CNTNAP5: variants seen among roughly 807,000 people sequenced by gnomAD.
CNTNAP5 encodes contactin-associated protein-like 5.
Under a neutral mutation model 150.2 loss-of-function variants are expected in CNTNAP5, and 72 were observed. That is an observed-to-expected ratio of 0.48 (90% confidence interval 0.40 to 0.58). CNTNAP5 has a LOEUF of 0.58. Ranked by LOEUF, CNTNAP5 falls within the 20% of genes least tolerant of loss-of-function variation. The pLI, the probability that CNTNAP5 is intolerant of heterozygous loss-of-function variation, is 0.00. For missense variants in CNTNAP5, 1,636 were observed against 1,626.2 expected (o/e 1.01, Z -0.10); for synonymous variants, 672 against 619.8 (o/e 1.08, Z -1.25).
chr2:124,260,518 G>A (rs1358043756), intron 3 of CNTNAP5, among the ~76,000 whole-genome samples: 1 of 152,146 alleles, frequency 6.6e-6, no homozygotes, highest in Admixed American at 6.6e-5. Context: ...TTGACAAATG[G>A]GATCTAATTA....
At position 124,163,933 on chromosome 2, in the gene CNTNAP5, G is replaced by A. The variant is rs570109243; in HGVS notation, c.83-57772G>A. Among the ~76,000 whole-genome samples, 12 of 151,314 alleles carry A rather than the reference G, an allele frequency of 7.9e-5. No homozygotes were observed. The South Asian group carries it at 2.3e-3, about 29-fold the overall frequency. ...GATCATTTTCATTCTTTGTTCCAAG[G>A]TCTATGACTCTGTTCTTCACTTCAC... is the stretch of plus-strand genomic sequence containing the variant. On this transcript the variant is annotated intron_variant, in intron 1 of 23. Coordinates refer to ENST00000682447, the MANE Select transcript of CNTNAP5 (RefSeq NM_001367498.1).
chr2:124,191,121 A>G (rs115843443), intron 1 of CNTNAP5, among the ~76,000 whole-genome samples: 2,652 of 152,294 alleles, frequency 0.017, 99 homozygotes, highest in African/African-American at 0.061. Context: ...AGGAATTTGC[A>G]TGTTCAAATG....
chr2:124,307,944 A>T (rs2104653711), intron 3 of CNTNAP5, among the ~76,000 whole-genome samples: 1 of 152,272 alleles, frequency 6.6e-6, no homozygotes, highest in African/African-American at 2.4e-5. Flanking sequence ...TATATGACAA[A>T]GCTGGCGGGT....
rs549114553 is a variant in CNTNAP5, at chr2:124,687,607, A to G, written c.2077+39649A>G. On this transcript the variant is annotated intron_variant, in intron 13 of 23. Coordinates refer to ENST00000682447, the MANE Select transcript of CNTNAP5 (RefSeq NM_001367498.1). ...TTGGTAATCACAGGAAGCAACTTCT[A>G]TATTCAGAAAGGATGGTACTTCCTG... Among the ~76,000 whole-genome samples, 17 of 150,582 alleles carry G rather than the reference A, an allele frequency of 1.1e-4. 1 individual carries two copies. In the East Asian group the frequency reaches 3.3e-3, roughly 30 times the overall value.
chr2:124,902,820 C>A (rs1678440627), intron 21 of CNTNAP5, 62 bp from the exon 22 acceptor site: 2 of 1,164,028 alleles, frequency 1.7e-6, no homozygotes, highest in Non-Finnish European at 2.4e-6. Context: ...AAAGAGGACC[C>A]AGCATATAAT....
intron 1 of CNTNAP5, among the ~76,000 whole-genome samples, chr2:124,157,437 A>G (rs545545946): frequency 1.8e-4 from 27 of 150,438 alleles, no homozygotes; most frequent in Non-Finnish European, 3.9e-4. Context: ...ACTGAAAGGC[A>G]AACTTTGACT....
At chr2:124,836,313 C>T (rs1043315195) in intron 19 of CNTNAP5, among the ~76,000 whole-genome samples, 1 of 152,058 alleles carries the variant, frequency 6.6e-6, no homozygotes, top group African/African-American at 2.4e-5. Flanking sequence ...TAGTCAGAAG[C>T]TAATATGTTA....
intron 13 of CNTNAP5, among the ~76,000 whole-genome samples, chr2:124,713,526 T>C (rs1455603454): frequency 6.6e-6 from 1 of 151,258 alleles, no homozygotes; most frequent in African/African-American, 2.4e-5. Flanking sequence ...TACAAGTGCA[T>C]CACCAGGCTT....
intron 7 of CNTNAP5, among the ~76,000 whole-genome samples, chr2:124,480,110 G>C (rs1693731441): frequency 6.6e-6 from 1 of 152,202 alleles, no homozygotes; most frequent in South Asian, 2.1e-4. Flanking sequence ...GTTGATTGGA[G>C]ATAGCTCCTG....
At chr2:124,656,666 T>C (rs906698669) in intron 13 of CNTNAP5, among the ~76,000 whole-genome samples, 2 of 152,202 alleles carry the variant, frequency 1.3e-5, no homozygotes, top group African/African-American at 4.8e-5. Flanking sequence ...CTGACCACAA[T>C]TGAGTTGCTG....
intron 1 of CNTNAP5, among the ~76,000 whole-genome samples, chr2:124,180,130 G>A (rs1345952524): frequency 2.0e-5 from 3 of 152,106 alleles, no homozygotes; most frequent in African/African-American, 7.2e-5. Flanking sequence ...AGTGTTTTCT[G>A]GTGGCTTACA....
chr2:124,242,290 C>A lies in CNTNAP5; in HGVS notation c.278C>A (p.Thr93Lys). The change falls in exon 3 of 24, where the codon ACG (threonine) becomes AAG (lysine). Residue 93 changes from threonine (T) to lysine (K), a missense_variant. Coordinates refer to ENST00000682447, the MANE Select transcript of CNTNAP5 (RefSeq NM_001367498.1). ...AGAGTAGAGATTACAGCAGTGGCCA[C>A]GCAGGGAAGATACGGAAGCTCTGAC... is the stretch of plus-strand genomic sequence containing the variant. ...GNRVEITAVA[T>K]QGRYGSSDWV... 1 of 1,611,918 alleles carries A rather than the reference C, an allele frequency of 6.2e-7. No homozygotes were observed. The highest frequency in any genetic ancestry group is 8.5e-7 in the Non-Finnish European group (1 of 1,179,104).
intron 2 of CNTNAP5, among the ~76,000 whole-genome samples, chr2:124,229,574 T>C (rs537983703): frequency 6.6e-6 from 1 of 152,232 alleles, no homozygotes; most frequent in South Asian, 2.1e-4. Flanking sequence ...AAATTGGAGG[T>C]CAGATCACCA....
intron 3 of CNTNAP5, among the ~76,000 whole-genome samples, chr2:124,352,190 T>C (rs1689887842): frequency 6.6e-6 from 1 of 151,884 alleles, no homozygotes; most frequent in Non-Finnish European, 1.5e-5. Context: ...AAAATAAACA[T>C]TATTTGGAAG....
Position 124,914,283 on chromosome 2 carries a change from A to G in CNTNAP5, c.3919A>G (p.Ile1307Val), listed in dbSNP as rs541934958. 2.0e-5 allele frequency: 32 copies of G among 1,609,336 alleles called. No individual in the cohort carries two copies. Among genetic ancestry groups the G allele is most frequent in the South Asian group, 5.5e-5 (5 of 90,820 alleles). ...GAGCGAGTGTAAACGGGAATATTTCATCTGAGAAACTGCAGGGTTCCTACT... is the reference window on the plus strand; with the variant it reads ...GAGCGAGTGTAAACGGGAATATTTCGTCTGAGAAACTGCAGGGTTCCTACT... ...TVSECKREYF[I>V] Residue 1307 changes from isoleucine (I) to valine (V), a missense_variant, in exon 24 of 24, where the codon ATC becomes GTC. Ile to Val is a conservative substitution (Grantham distance 29, BLOSUM62 3). Transcript: ENST00000682447.
chr2:124,107,655 A>G (rs1683198280), intron 1 of CNTNAP5, among the ~76,000 whole-genome samples: 1 of 152,218 alleles, frequency 6.6e-6, no homozygotes, highest in African/African-American at 2.4e-5. Context: ...TATCAAAATA[A>G]TTCAAGTAGA....
At chr2:124,116,112 C>A (rs1476152631) in intron 1 of CNTNAP5, among the ~76,000 whole-genome samples, 7 of 152,068 alleles carry the variant, frequency 4.6e-5, no homozygotes, top group Admixed American at 3.9e-4. Context: ...TTTTTGTTTT[C>A]TTTTGTTCTT....
chr2:124,125,743 C>T (rs1558765762), intron 1 of CNTNAP5, among the ~76,000 whole-genome samples: 1 of 152,118 alleles, frequency 6.6e-6, no homozygotes, highest in Non-Finnish European at 1.5e-5. Flanking sequence ...GAAACTAGAA[C>T]TCAGGATTAA....
chr2:124,860,678 G>A (rs957488147), intron 19 of CNTNAP5, among the ~76,000 whole-genome samples: 9 of 151,986 alleles, frequency 5.9e-5, no homozygotes, highest in African/African-American at 2.2e-4. Context: ...GGCTCCCAAG[G>A]ATTTTATTGA....
Sources: allele counts gnomAD v4.1 joint callset (sites outside exome capture counted in the v4.1 genomes callset), GRCh38; gene constraint gnomAD v4.1.1; transcripts MANE v1.5; gene names NCBI Gene and HGNC (gene_info 2026-07-23, HGNC 2026-07-21).